Variants in LMBR1 observed in about 807,000 individuals in gnomAD.
LMBR1 encodes limb development membrane protein 1.
LMBR1 carries 52 observed loss-of-function variants against 73.9 expected under a neutral mutation model. The ratio of observed to expected loss-of-function variants is 0.70; its 90% CI spans 0.56 to 0.89. LMBR1 has a LOEUF of 0.89. Among genes scored for constraint, LMBR1 ranks in the 40% least tolerant of loss-of-function variants. The pLI, the probability that LMBR1 is intolerant of heterozygous loss-of-function variation, is 0.00. For missense variants in LMBR1, 539 were observed against 579.8 expected (o/e 0.93, Z 0.72); for synonymous variants, 215 against 209.4 (o/e 1.03, Z -0.23).
chr7:156,811,825 G>A (rs1009460969), intron 4 of LMBR1, among the ~76,000 whole-genome samples: 6 of 152,186 alleles, frequency 3.9e-5, no homozygotes, highest in African/African-American at 1.4e-4. Context: ...ACAGTTCCAG[G>A]GACTAGAAGT....
At chr7:156,707,656 T>C (rs1293007128) in intron 15 of LMBR1, among the ~76,000 whole-genome samples, 2 of 152,158 alleles carry the variant, frequency 1.3e-5, no homozygotes, top group Non-Finnish European at 2.9e-5. Context: ...AAGCATGTGA[T>C]AACTTCAGCA....
At position 156,862,321 on chromosome 7, in the gene LMBR1, G is replaced by T. The variant is rs56241061; in HGVS notation, c.67-25436C>A. Among the ~76,000 whole-genome samples, 57 of 152,200 alleles carry T rather than the reference G, an allele frequency of 3.7e-4. 1 individual carries two copies. Among genetic ancestry groups the T allele is most frequent in the African/African-American group, 1.3e-3 (56 of 41,522 alleles). On this transcript the variant is annotated intron_variant, in intron 1 of 16. Coordinates refer to ENST00000353442, the MANE Select transcript of LMBR1 (RefSeq NM_022458.4). ...ATTCACTATCACAAGAACAGCAGGG[G>T]AAAGACCTACCTCCATGATTCAATT...
intron 9 of LMBR1, among the ~76,000 whole-genome samples, chr7:156,738,645 G>A (rs1818345011): frequency 6.6e-6 from 1 of 152,182 alleles, no homozygotes; most frequent in Admixed American, 6.5e-5. Context: ...CAGTACAATA[G>A]GGTACTGGGC....
At chr7:156,729,920 T>C (rs1239883232) in intron 10 of LMBR1, among the ~76,000 whole-genome samples, 2 of 152,192 alleles carry the variant, frequency 1.3e-5, no homozygotes, top group African/African-American at 4.8e-5. Flanking sequence ...TATGAACGTA[T>C]CAGAGAGCTA....
intron 9 of LMBR1, among the ~76,000 whole-genome samples, chr7:156,750,737 T>C (rs1820722472): frequency 6.6e-6 from 1 of 152,154 alleles, no homozygotes; most frequent in Admixed American, 6.5e-5. Context: ...CATTATAGAA[T>C]CAGGGTACAG....
intron 7 of LMBR1, among the ~76,000 whole-genome samples, chr7:156,762,583 A>C (rs1383039979): frequency 6.6e-6 from 1 of 152,266 alleles, no homozygotes; most frequent in African/African-American, 2.4e-5. Flanking sequence ...TAAAGGTGAC[A>C]ACCATAGTCT....
chr7:156,741,726 T>C (rs112930971), intron 9 of LMBR1, among the ~76,000 whole-genome samples: 4 of 152,278 alleles, frequency 2.6e-5, no homozygotes, highest in African/African-American at 4.8e-5. Flanking sequence ...ACTTTCAGCA[T>C]TGGATAGATC....
At chr7:156,814,210 A>G (rs1046862970) in intron 4 of LMBR1, among the ~76,000 whole-genome samples, 1 of 152,206 alleles carries the variant, frequency 6.6e-6, no homozygotes, top group African/African-American at 2.4e-5. Context: ...TTCTTTCTAC[A>G]TATGACTGAA....
At chr7:156,786,507 C>T (rs1298151568) in intron 5 of LMBR1, among the ~76,000 whole-genome samples, 3 of 152,054 alleles carry the variant, frequency 2.0e-5, no homozygotes, top group Non-Finnish European at 4.4e-5. Context: ...AAATTAGCTA[C>T]AGGTAGACGA....
chr7:156,675,684 C>CCG, downstream of LMBR1: 1 of 1,599,798 alleles, frequency 6.3e-7, no homozygotes, highest in Non-Finnish European at 8.6e-7. Flanking sequence ...CCCGCCCCCG[C>CCG]CTCCTCCTCA....
chr7:156,817,267 A>T (rs1391236386), intron 4 of LMBR1, among the ~76,000 whole-genome samples: 1 of 152,194 alleles, frequency 6.6e-6, no homozygotes, highest in Non-Finnish European at 1.5e-5. Flanking sequence ...AATTTAAATT[A>T]AAAAATTAAT....
At position 156,836,829 on chromosome 7, in the gene LMBR1, T is replaced by G. The variant is rs1433375243; in HGVS notation, c.123A>C (p.Arg41Ser). ...LYVVSYFIIT[R>S]YKRKSDEQED... ...TCCACTTGCCTGATTTTCTCTTGTA[T>G]CTTGTGATGATGAAGTAGGAAACAA... Residue 41 changes from arginine to serine, a missense_variant, in exon 2 of 17, where the codon AGA becomes AGC. Physicochemically the swap from Arg to Ser is moderately radical, Grantham distance 110. This residue lies in a region of LMBR1 where 454 missense variants were observed against 473.4 expected (regional missense o/e 0.96). Coordinates refer to ENST00000353442, the MANE Select transcript of LMBR1 (RefSeq NM_022458.4). 6.3e-7 allele frequency: 1 copy of G among 1,577,722 alleles called. No homozygotes were observed. The highest frequency in any genetic ancestry group is 1.2e-5 in the South Asian group (1 of 86,476).
chr7:156,864,043 A>AC (rs1441930045), intron 1 of LMBR1, among the ~76,000 whole-genome samples: 1 of 152,196 alleles, frequency 6.6e-6, no homozygotes, highest in East Asian at 1.9e-4. Context: ...AATCCTAGCT[A>AC]CTCGGGAGGC....
intron 10 of LMBR1, among the ~76,000 whole-genome samples, chr7:156,730,655 G>T (rs543833104): frequency 2.6e-5 from 4 of 152,316 alleles, no homozygotes; most frequent in African/African-American, 9.6e-5. Flanking sequence ...ATGGGAAAAA[G>T]AGGCCAGGCA....
rs190097293 is a variant in LMBR1, at chr7:156,862,153, G to A, written c.67-25268C>T. ...AAGAAAGAGTTTTAATGGACTTACA[G>A]TTCCACATGGCTGGAGAGGCCTCAC... is the stretch of plus-strand genomic sequence containing the variant. On this transcript the variant is annotated intron_variant, in intron 1 of 16. Coordinates refer to ENST00000353442, the MANE Select transcript of LMBR1 (RefSeq NM_022458.4). Among the ~76,000 whole-genome samples the A allele has an allele frequency of 3.0e-4, 45 of 152,320 alleles. No homozygotes were observed. In the East Asian group the frequency reaches 7.9e-3, roughly 27 times the overall value.
intron 5 of LMBR1, among the ~76,000 whole-genome samples, chr7:156,786,004 C>G (rs1828006693): frequency 6.6e-6 from 1 of 152,018 alleles, no homozygotes; most frequent in Admixed American, 6.6e-5. Flanking sequence ...ACAGAAGCAC[C>G]AGCAGACTAG....
chr7:156,708,083 A>G (rs1303246302), intron 15 of LMBR1, among the ~76,000 whole-genome samples: 1 of 152,082 alleles, frequency 6.6e-6, no homozygotes, highest in Non-Finnish European at 1.5e-5. Flanking sequence ...TCAAGAAGGC[A>G]ATCCCATTTA....
chr7:156,676,750 A>C (rs1267010807), downstream of LMBR1: 1 of 866,598 alleles, frequency 1.2e-6, no homozygotes, highest in East Asian at 2.4e-5. Context: ...ACTACAATGT[A>C]ATCTGTTTCC....
chr7:156,761,206 T>A (rs953391161), intron 8 of LMBR1, among the ~76,000 whole-genome samples: 4 of 152,198 alleles, frequency 2.6e-5, no homozygotes, highest in African/African-American at 7.2e-5. Context: ...CTTTGTAACA[T>A]GTAAGTAGTT....
Sources: allele counts gnomAD v4.1 joint callset (sites outside exome capture counted in the v4.1 genomes callset), GRCh38; gene constraint gnomAD v4.1.1; regional missense constraint gnomAD v4.1.1; transcripts MANE v1.5; gene names NCBI Gene and HGNC (gene_info 2026-07-23, HGNC 2026-07-21).